Variants in USP34 observed in about 807,000 individuals in gnomAD.
USP34 encodes ubiquitin carboxyl-terminal hydrolase 34.
In USP34, 70 loss-of-function variants were observed where a neutral mutation model predicts 460.3. That is an observed-to-expected ratio of 0.15 (90% confidence interval 0.13 to 0.19). USP34 has a LOEUF of 0.19. USP34 is among the 10% of genes least tolerant of loss of function. The pLI, the probability that USP34 is intolerant of heterozygous loss-of-function variation, is 1.00. For synonymous variants in USP34, 1,647 were observed against 1,405.3 expected (o/e 1.17, Z -3.85); for missense variants, 3,985 against 4,236.2 (o/e 0.94, Z 1.65).
Position 61,206,000 on chromosome 2 carries a change from T to G in USP34, c.9154+17A>C. 6.3e-7 allele frequency: 1 copy of G among 1,587,514 alleles called. No homozygotes were observed. The highest frequency in any genetic ancestry group is 8.6e-7 in the Non-Finnish European group (1 of 1,157,160). Reference sequence around the variant, plus strand: ...TCCACTAGGTTTTTACACGGGTGAATTTTTCAAGTAACTTACCTATACAGG... The same window carrying G: ...TCCACTAGGTTTTTACACGGGTGAAGTTTTCAAGTAACTTACCTATACAGG... On this transcript the variant is annotated intron_variant, in intron 72 of 79. Coordinates refer to ENST00000398571, the MANE Select transcript of USP34 (RefSeq NM_014709.4).
At chr2:61,238,487 T>G (rs943378828) in intron 53 of USP34, among the ~76,000 whole-genome samples, 3 of 152,198 alleles carry the variant, frequency 2.0e-5, no homozygotes, top group African/African-American at 7.2e-5. Flanking sequence ...CCTTCTATTA[T>G]CTGTAAGAAT....
chr2:61,260,173 T>C (rs1259716665), intron 43 of USP34, among the ~76,000 whole-genome samples: 1 of 152,200 alleles, frequency 6.6e-6, no homozygotes, highest in Non-Finnish European at 1.5e-5. Flanking sequence ...CTCATCATCA[T>C]TTATTCATAT....
At chr2:61,323,565 C>G (rs1690993619) in intron 21 of USP34, among the ~76,000 whole-genome samples, 1 of 151,204 alleles carries the variant, frequency 6.6e-6, no homozygotes, top group Non-Finnish European at 1.5e-5. Flanking sequence ...CACCTATGGT[C>G]CCAGCTACTC....
In USP34 at chr2:61,236,092, C is replaced by CA. The variant is rs780839190; in HGVS notation, c.6919-20dup. 1.4e-5 allele frequency: 22 copies of CA among 1,594,868 alleles called. No individual in the cohort carries two copies. In the East Asian group the frequency reaches 3.8e-4, roughly 28 times the overall value. ...TGCTTAACTGTAAGAAAAGATAAAG[C>CA]AAAAAAGCTTCAATCATTTTAAAGT... On this transcript the variant is annotated intron_variant, in intron 55 of 79. Transcript: ENST00000398571.
At chr2:61,433,628 C>T (rs562669786) in intron 1 of USP34, among the ~76,000 whole-genome samples, 62 of 152,104 alleles carry the variant, frequency 4.1e-4, no homozygotes, top group African/African-American at 1.4e-3. Context: ...AGTAAGACTC[C>T]ATCTCAAAAA....
chr2:61,222,890 T>C (rs1687625906), intron 64 of USP34, 170 bp downstream of exon 64: 2 of 693,664 alleles, frequency 2.9e-6, no homozygotes, highest in Non-Finnish European at 4.8e-6. Context: ...AGAGACGGGT[T>C]CTCACTATGT....
At chr2:61,380,133 T>C (rs771200610) in intron 7 of USP34, 36 bp downstream of exon 7, 14 of 1,583,348 alleles carry the variant, frequency 8.8e-6, no homozygotes, top group East Asian at 2.2e-5. Flanking sequence ...AGAAAACAAA[T>C]AAACGATGAC....
chr2:61,229,631 C>A lies in USP34; in HGVS notation c.7116G>T (p.Met2372Ile). 6.2e-7 allele frequency: 1 copy of A among 1,610,878 alleles called. No homozygotes were observed. The highest frequency in any genetic ancestry group is 8.5e-7 in the Non-Finnish European group (1 of 1,178,934). ...IKCPNQIVRQMFQRLCIHVIQ... is the reference protein window; with the variant it reads ...IKCPNQIVRQIFQRLCIHVIQ... ...TCACATGGATACACAAACGCTGAAA[C>A]ATCTGTGAAGAAAGAAAAAGATCAA... The change falls in exon 59 of 80, where the codon ATG becomes ATT. Residue 2372 changes from methionine to isoleucine, a missense_variant and splice_region_variant. Physicochemically the swap from Met to Ile is conservative, Grantham distance 10 (BLOSUM62 1). Transcript: ENST00000398571.
chr2:61,220,252 G>T (rs977918083), intron 67 of USP34, 58 bp downstream of exon 67: 2 of 1,334,822 alleles, frequency 1.5e-6, no homozygotes, highest in East Asian at 3.7e-5. Context: ...AAAACAAAAT[G>T]AAACATAACT....
At chr2:61,245,989 A>G (rs1444662654) in intron 50 of USP34, among the ~76,000 whole-genome samples, 5 of 152,206 alleles carry the variant, frequency 3.3e-5, no homozygotes, top group African/African-American at 1.2e-4. Flanking sequence ...GGTAACTTCT[A>G]ATGGCACATA....
chr2:61,413,668 AAAAAAAT>A (rs1341808959), intron 2 of USP34, among the ~76,000 whole-genome samples: 289 of 136,720 alleles, frequency 2.1e-3, no homozygotes, highest in Non-Finnish European at 2.9e-3. Context: ...CAAAAAAATT[AAAAAAAT>A]AAAAAATAAA....
intron 33 of USP34, among the ~76,000 whole-genome samples, chr2:61,293,255 A>C (rs980345134): frequency 6.6e-6 from 1 of 152,144 alleles, no homozygotes; most frequent in African/African-American, 2.4e-5. Context: ...AGAGTAATTA[A>C]TTTTATCAGA....
chr2:61,470,940 G>C lies in USP34; in HGVS notation c.-248C>G, dbSNP rs1326754546. Among the ~76,000 whole-genome samples the C allele has an allele frequency of 7.4e-6, 1 of 135,588 alleles. No individual in the cohort carries two copies. The highest frequency in any genetic ancestry group is 2.5e-4 in the East Asian group (1 of 3,992). 89.0% of individuals were successfully genotyped at this position (135,588 alleles called of 152,430 possible). ...GCGCAGGCCGGAGGGGCGCCGAGGCGCCGGCGGCGGGGAAGGGGGGGAAGG... is the reference window on the plus strand; with the variant it reads ...GCGCAGGCCGGAGGGGCGCCGAGGCCCCGGCGGCGGGGAAGGGGGGGAAGG... On this transcript the variant is annotated 5_prime_UTR_variant, in exon 1 of 80. Coordinates refer to ENST00000398571, the MANE Select transcript of USP34 (RefSeq NM_014709.4).
intron 42 of USP34, 137 bp from the exon 43 acceptor site, chr2:61,265,694 TAA>T: frequency 2.6e-6 from 2 of 762,580 alleles, no homozygotes; most frequent in South Asian, 6.3e-5. Context: ...ATTTTTTAAA[TAA>T]AAAAAAATAC....
intron 5 of USP34, among the ~76,000 whole-genome samples, chr2:61,387,505 A>G (rs1260637398): frequency 6.7e-6 from 1 of 148,254 alleles, no homozygotes; most frequent in African/African-American, 2.5e-5. Context: ...GTGTATATAT[A>G]TGTATGTATG....
chr2:61,342,857 T>C (rs989197242), intron 16 of USP34, among the ~76,000 whole-genome samples: 4 of 152,210 alleles, frequency 2.6e-5, no homozygotes, highest in African/African-American at 9.6e-5. Context: ...AAATATTGAT[T>C]AAAGGAAAAT....
intron 33 of USP34, among the ~76,000 whole-genome samples, chr2:61,291,095 A>T (rs1177858374): frequency 6.6e-6 from 1 of 152,146 alleles, no homozygotes; most frequent in African/African-American, 2.4e-5. Flanking sequence ...ATACATAAGG[A>T]ATTCTAACAA....
chr2:61,304,581 T>C (rs1461867895), intron 27 of USP34, among the ~76,000 whole-genome samples: 1 of 152,206 alleles, frequency 6.6e-6, no homozygotes, highest in African/African-American at 2.4e-5. Context: ...AGGAGCTTGC[T>C]TGAGCCTTCT....
chr2:61,232,209 A>T (rs1487750556), intron 58 of USP34, among the ~76,000 whole-genome samples: 1 of 152,186 alleles, frequency 6.6e-6, no homozygotes, highest in South Asian at 2.1e-4. Context: ...AAAGAACAGG[A>T]AATTACAGTC....
Sources: gnomAD v4.1 joint callset for allele counts (sites outside exome capture counted in the v4.1 genomes callset) on GRCh38, gnomAD v4.1.1 for gene constraint, MANE v1.5 for transcripts, NCBI Gene and HGNC (gene_info 2026-07-23, HGNC 2026-07-21) for gene names.